Variants in GAREM2 observed in about 807,000 individuals in gnomAD.
GAREM2 encodes the protein GRB2 associated regulator of MAPK1 subtype 2, also known as GRB2-associated and regulator of MAPK protein 2.
In GAREM2, 30 loss-of-function variants were observed where a neutral mutation model predicts 55.6. That is an observed-to-expected ratio of 0.54 (90% CI 0.40 to 0.73). GAREM2 has a LOEUF of 0.73. Among genes scored for constraint, GAREM2 ranks in the 30% least tolerant of loss-of-function variants. The pLI is 0.00. For synonymous variants in GAREM2, 550 were observed against 569.1 expected, an observed-to-expected ratio of 0.97 and a Z score of 0.48; for missense variants, 1,075 against 1,257.7, an observed-to-expected ratio of 0.85 and a Z score of 2.20.
chr2:26,192,780 C>A (rs1054196408), downstream of GAREM2, among the ~76,000 whole-genome samples: 5 of 152,140 alleles, frequency 3.3e-5, no homozygotes, highest in Admixed American at 6.6e-5. Context: ...CCTGAGAATT[C>A]TTGTCTCTGT....
At chr2:26,187,182 C>T (rs750736010) in intron 5 of GAREM2, 49 bp from the exon 6 acceptor site, 11 of 1,412,348 alleles carry the variant, frequency 7.8e-6, no homozygotes, top group East Asian at 5.4e-5. Flanking sequence ...TATCGGATTC[C>T]CTCTCAGCCT....
downstream of GAREM2, chr2:26,190,919 A>G (rs189483687): frequency 1.9e-3 from 889 of 469,552 alleles, 4 homozygotes; most frequent in African/African-American, 0.017. Context: ...TGGGTGCAGA[A>G]CTGCCCTCAC....
In GAREM2 at chr2:26,179,769, G is replaced by C. The variant is rs1177543693; in HGVS notation, c.254-3198G>C. 1.3e-5 allele frequency among the ~76,000 whole-genome samples: 2 copies of C among 152,180 alleles called. No individual in the cohort carries two copies. Among genetic ancestry groups the C allele is most frequent in the Non-Finnish European group, 2.9e-5 (2 of 68,020 alleles). On this transcript the variant is annotated intron_variant, in intron 2 of 5. Coordinates refer to ENST00000401533, the MANE Select transcript of GAREM2 (RefSeq NM_001168241.2). This position sits in a 1 kb window ranked among gnomAD's most constrained non-coding sequence, Gnocchi z 4.7. ...CAGTAATGACCGGCGCTGGGCTTCA[G>C]GCTGCCGCGGAGGGGGATGGTGCTG...
At chr2:26,192,781 T>C (rs1669548202), downstream of GAREM2, among the ~76,000 whole-genome samples, 1 of 152,150 alleles carries the variant, frequency 6.6e-6, no homozygotes, top group South Asian at 2.1e-4. Context: ...CTGAGAATTC[T>C]TGTCTCTGTT....
chr2:26,202,027 C>T, the GAREM2 span, among the ~76,000 whole-genome samples: 1 of 151,024 alleles, frequency 6.6e-6, no homozygotes, highest in African/African-American at 2.4e-5. Flanking sequence ...TCTTGAACTC[C>T]TGACCTCGTG....
chr2:26,197,824 T>TTA, the GAREM2 span: 2 of 942,684 alleles, frequency 2.1e-6, no homozygotes, highest in Non-Finnish European at 3.5e-6. Context: ...GCCTGGGAGA[T>TTA]GATTAGAGGC....
chr2:26,181,274 C>A, intron 2 of GAREM2: 1 of 355,786 alleles, frequency 2.8e-6, no homozygotes, highest in Non-Finnish European at 3.9e-6. Flanking sequence ...CTCCCTAAGT[C>A]CTTCCCTGCA....
chr2:26,188,071 G>A lies in GAREM2; in HGVS notation c.2439G>A (p.Glu813=). ...PADLSALSLE[E]VSRSLRFIGL... ...ACCTGTCTGCACTCTCCCTGGAGGA[G>A]GTCTCTCGCAGTCTGCGTTTCATCG... The change falls in exon 6 of 6, where the codon GAG becomes GAA. Residue 813 remains glutamate (E), a synonymous_variant. Coordinates refer to ENST00000401533, the MANE Select transcript of GAREM2 (RefSeq NM_001168241.2). 6.5e-7 allele frequency: 1 copy of A among 1,547,034 alleles called. No individual in the cohort carries two copies. The highest frequency in any genetic ancestry group is 1.2e-5 in the South Asian group (1 of 83,200).
chr2:26,202,702 T>C, the GAREM2 span, among the ~76,000 whole-genome samples: 4 of 152,214 alleles, frequency 2.6e-5, no homozygotes, highest in Admixed American at 1.3e-4. Context: ...GATTGCACCA[T>C]TGTGCTCTAG....
chr2:26,191,114 C>T (rs1240267162), downstream of GAREM2: 8 of 868,510 alleles, frequency 9.2e-6, no homozygotes, highest in East Asian at 2.6e-5. Flanking sequence ...GCTGAAGGCA[C>T]TTTAATCAGG....
intron 5 of GAREM2, 110 bp from the exon 6 acceptor site, chr2:26,187,121 C>T (rs751296978): frequency 1.2e-5 from 16 of 1,313,146 alleles, no homozygotes; most frequent in Non-Finnish European, 1.5e-5. Context: ...GGGGTGCAGG[C>T]CCGTGTTGCT....
intron 2 of GAREM2, chr2:26,182,625 C>G: frequency 1.1e-6 from 1 of 896,906 alleles, no homozygotes; most frequent in East Asian, 2.7e-5. Flanking sequence ...CGGTACCACA[C>G]TGATAGTTGA....
chr2:26,180,810 G>T, intron 2 of GAREM2: 1 of 520,746 alleles, frequency 1.9e-6, no homozygotes. Flanking sequence ...TAGAGATGGG[G>T]TTTCACCATG....
downstream of GAREM2, chr2:26,191,544 G>A: frequency 6.2e-7 from 1 of 1,614,142 alleles, no homozygotes; most frequent in Non-Finnish European, 8.5e-7. Flanking sequence ...CTGCAGGTGT[G>A]GCCAAGATCC....
At chr2:26,192,236 G>A, downstream of GAREM2, 3 of 783,620 alleles carry the variant, frequency 3.8e-6, no homozygotes, top group African/African-American at 1.8e-5. Context: ...AAAAAAAAAT[G>A]GAAGAGGGGC....
chr2:26,199,652 G>A, the GAREM2 span, among the ~76,000 whole-genome samples: 3 of 152,172 alleles, frequency 2.0e-5, no homozygotes, highest in African/African-American at 7.2e-5. Context: ...TGCAGCAGAA[G>A]TTACCCTGCC....
chr2:26,193,156 G>C (rs1475013508), downstream of GAREM2, among the ~76,000 whole-genome samples: 1 of 152,118 alleles, frequency 6.6e-6, no homozygotes, highest in Non-Finnish European at 1.5e-5. Context: ...CACTATTGCA[G>C]ATTTCATCTC....
the GAREM2 span, among the ~76,000 whole-genome samples, chr2:26,202,011 G>C: frequency 6.6e-6 from 1 of 151,334 alleles, no homozygotes; most frequent in Non-Finnish European, 1.5e-5. Context: ...ATCTTGGCCA[G>C]GCTGGTCTTG....
the GAREM2 span, chr2:26,197,701 C>G: frequency 6.9e-7 from 1 of 1,454,108 alleles, no homozygotes; most frequent in Non-Finnish European, 9.7e-7. Flanking sequence ...CTTCTCAGGT[C>G]TTTTGCTGAC....
Sources: gnomAD v4.1 joint callset for allele counts (sites outside exome capture counted in the v4.1 genomes callset) on GRCh38, gnomAD v4.1.1 for gene constraint, Gnocchi (gnomAD v3.1) non-coding constraint, MANE v1.5 for transcripts, NCBI Gene and HGNC (gene_info 2026-07-23, HGNC 2026-07-21) for gene names.